Variants in DDX23 observed in about 807,000 individuals in gnomAD.
DDX23 encodes the protein DEAD-box helicase 23.
Under a neutral mutation model 102.7 loss-of-function variants are expected in DDX23, and 33 were observed. The ratio of observed to expected loss-of-function variants is 0.32; its 90% CI spans 0.24 to 0.43. The LOEUF (loss-of-function observed/expected upper bound fraction) is 0.43, where lower values mean the gene tolerates loss of function less well. Among genes scored for constraint, DDX23 ranks in the 20% least tolerant of loss-of-function variants. The pLI, the probability that DDX23 is intolerant of heterozygous loss-of-function variation, is 1.00. For synonymous variants in DDX23, 352 were observed against 376.0 expected (o/e 0.94, Z 0.74); for missense variants, 549 against 1,086.6 (o/e 0.51, Z 6.96).
intron 6 of DDX23, 60 bp from the exon 7 acceptor site, chr12:48,837,717 T>C: frequency 6.2e-7 from 1 of 1,603,178 alleles, no homozygotes; most frequent in Non-Finnish European, 8.5e-7. Context: ...GGAGAGGGAA[T>C]GGAGGGAATC....
intron 2 of DDX23, among the ~76,000 whole-genome samples, chr12:48,844,862 T>C (rs1026965699): frequency 1.3e-5 from 2 of 151,498 alleles, no homozygotes; most frequent in Admixed American, 1.3e-4. Context: ...GTACAAAAAG[T>C]AGATGCCTAG....
intron 1 of DDX23, among the ~76,000 whole-genome samples, chr12:48,851,802 A>G (rs1400332809): frequency 6.6e-6 from 1 of 152,252 alleles, no homozygotes; most frequent in Non-Finnish European, 1.5e-5. Context: ...TACTTTAAGC[A>G]TGAAAGAATA....
At chr12:48,838,820 T>C (rs1330581670) in intron 5 of DDX23, among the ~76,000 whole-genome samples, 1 of 151,810 alleles carries the variant, frequency 6.6e-6, no homozygotes, top group Non-Finnish European at 1.5e-5. Context: ...GCCACTGCAC[T>C]CCAGCCTGGG....
rs1043870300 is a variant in DDX23 at position 48,845,647 on chromosome 12, G to A, written c.136C>T (p.Arg46Trp). The A allele has an allele frequency of 1.4e-5, 23 of 1,614,188 alleles. No individual in the cohort carries two copies. Among genetic ancestry groups the A allele is most frequent in the Non-Finnish European group, 1.8e-5 (21 of 1,180,040 alleles). ...RKSSPSKDRK[R>W]HRSRDRRRGG... ...CGACGTCTATCCCTTGAACGATGCC[G>A]CTTTCTATCTTTAGATGGGGAAGAC... The change falls in exon 2 of 17, where the codon CGG becomes TGG. Residue 46 changes from arginine (R) to tryptophan (W), a missense_variant. Arg to Trp is a moderately radical substitution (Grantham distance 101). Coordinates refer to ENST00000308025, the MANE Select transcript of DDX23 (RefSeq NM_004818.3).
chr12:48,851,188 G>A (rs904970216), intron 1 of DDX23, among the ~76,000 whole-genome samples: 2 of 152,234 alleles, frequency 1.3e-5, no homozygotes, highest in Admixed American at 1.3e-4. Flanking sequence ...ACAGGGTTAT[G>A]AGGTCGGACG....
rs950480170 is a variant in DDX23 at position 48,836,009 on chromosome 12, T to G, written c.1382+112A>C. ...TTATTCCCTAATATCCAACAAAGAATAAAGAAGAAAGCTTCTGATTATAGA... is the reference window on the plus strand; with the variant it reads ...TTATTCCCTAATATCCAACAAAGAAGAAAGAAGAAAGCTTCTGATTATAGA... On this transcript the variant is annotated intron_variant, in intron 11 of 16. Coordinates refer to ENST00000308025, the MANE Select transcript of DDX23 (RefSeq NM_004818.3). The surrounding 1 kb of genome is among the most constrained non-coding windows in gnomAD (Gnocchi z 6.1). The G allele has an allele frequency of 5.7e-6, 7 of 1,234,176 alleles. No homozygotes were observed. The South Asian group carries it at 7.0e-5, about 12-fold the overall frequency. The allele number at this position is 1,234,176 out of a possible 1,614,324, so 76.5% of individuals were successfully genotyped here. A position where few individuals can be genotyped will look rare whatever the true frequency, so the allele number is the denominator to read the frequency against.
chr12:48,835,681 G>C (rs1241874030), intron 11 of DDX23, among the ~76,000 whole-genome samples: 1 of 152,198 alleles, frequency 6.6e-6, no homozygotes, highest in East Asian at 1.9e-4. Context: ...TTGCACTCCA[G>C]CCTGGGCAAC....
intron 1 of DDX23, among the ~76,000 whole-genome samples, chr12:48,847,556 G>A (rs1376122380): frequency 3.3e-5 from 5 of 152,128 alleles, no homozygotes; most frequent in Admixed American, 1.3e-4. Context: ...TTGACTGGGT[G>A]TGGTGGCTCA....
At chr12:48,846,915 G>A (rs191935201) in intron 1 of DDX23, among the ~76,000 whole-genome samples, 2 of 152,266 alleles carry the variant, frequency 1.3e-5, no homozygotes, top group East Asian at 1.9e-4. Flanking sequence ...GTTCAGCCAG[G>A]AGCTAAAACT....
chr12:48,836,410 A>T lies in DDX23; in HGVS notation c.1237-144T>A. 8.0e-7 allele frequency: 1 copy of T among 1,255,250 alleles called. No individual in the cohort carries two copies. The highest frequency in any genetic ancestry group is 1.1e-6 in the Non-Finnish European group (1 of 891,102). 77.8% of individuals were successfully genotyped at this position (1,255,250 alleles called of 1,614,324 possible). ...AAATAGGGACCCCAAGAAGAAACCTAATCACTAAAAGCCAACACTTCTACC... is the reference window on the plus strand; with the variant it reads ...AAATAGGGACCCCAAGAAGAAACCTTATCACTAAAAGCCAACACTTCTACC... On this transcript the variant is annotated intron_variant, in intron 10 of 16. Transcript: ENST00000308025. This position sits in a 1 kb window ranked among gnomAD's most constrained non-coding sequence, Gnocchi z 6.1.
At chr12:48,851,015 C>T (rs967988850) in intron 1 of DDX23, among the ~76,000 whole-genome samples, 2 of 152,228 alleles carry the variant, frequency 1.3e-5, no homozygotes, top group Non-Finnish European at 2.9e-5. Flanking sequence ...GCCTTCCTCT[C>T]AAACCTCCAG....
chr12:48,849,523 G>A (rs1357669370), intron 1 of DDX23, among the ~76,000 whole-genome samples: 2 of 152,090 alleles, frequency 1.3e-5, no homozygotes, highest in African/African-American at 2.4e-5. Flanking sequence ...TTAGCCAGGC[G>A]TGATGTCAGG....
intron 3 of DDX23, among the ~76,000 whole-genome samples, chr12:48,843,710 G>A (rs1412037615): frequency 1.3e-5 from 2 of 151,766 alleles, no homozygotes; most frequent in African/African-American, 4.8e-5. Flanking sequence ...CACCACGCCC[G>A]GCTAATTTTT....
At chr12:48,840,989 A>C (rs920836617) in intron 3 of DDX23, among the ~76,000 whole-genome samples, 4 of 152,128 alleles carry the variant, frequency 2.6e-5, no homozygotes, top group Admixed American at 2.6e-4. Context: ...ACCTGCTCTA[A>C]GCTTAATCTA....
intron 5 of DDX23, 30 bp from the exon 6 acceptor site, chr12:48,838,110 G>A: frequency 6.2e-7 from 1 of 1,613,386 alleles, no homozygotes; most frequent in Non-Finnish European, 8.5e-7. Flanking sequence ...TGTCAACAAA[G>A]GATCTGGGAG....
At chr12:48,842,387 C>T (rs1332393490) in intron 3 of DDX23, among the ~76,000 whole-genome samples, 13 of 143,556 alleles carry the variant, frequency 9.1e-5, no homozygotes, top group Non-Finnish European at 1.5e-4. Context: ...CCGCCCCGTC[C>T]GGGAAGGAGG....
At position 48,832,248 on chromosome 12, in the gene DDX23, C is replaced by T; in HGVS notation, c.1956-62G>A. On this transcript the variant is annotated intron_variant, in intron 14 of 16. Transcript: ENST00000308025. The surrounding 1 kb of genome is among the most constrained non-coding windows in gnomAD (Gnocchi z 4.4). Reference sequence around the variant, plus strand: ...CTCCCACTCCAAGTGAAATGCCCAACCCTCATCTATGAACACTACTTTCAG... The same window carrying T: ...CTCCCACTCCAAGTGAAATGCCCAATCCTCATCTATGAACACTACTTTCAG... 1 of 1,587,830 alleles carries T rather than the reference C, an allele frequency of 6.3e-7. No individual in the cohort carries two copies. The highest frequency in any genetic ancestry group is 1.3e-5 in the African/African-American group (1 of 74,442).
intron 1 of DDX23, 46 bp downstream of exon 1, chr12:48,852,038 C>T (rs1212364903): frequency 6.6e-6 from 1 of 152,438 alleles, no homozygotes; most frequent in African/African-American, 2.4e-5. Context: ...TGACTCTAGC[C>T]CTTTCTGTAA....
rs1219917044 is a variant in DDX23, at chr12:48,842,252, C to T, written c.320+1688G>A. Among the ~76,000 whole-genome samples, 57 of 149,550 alleles carry T rather than the reference C, an allele frequency of 3.8e-4. 1 individual carries two copies. The highest frequency in any genetic ancestry group is 1.2e-3 in the African/African-American group (47 of 40,606). On this transcript the variant is annotated intron_variant, in intron 3 of 16. Transcript: ENST00000308025. ...GGGGTCATCCCCCCACCCGGCCAGCCGCCCATCCGGGAGGGAGGTGGGGGG... is the reference window on the plus strand; with the variant it reads ...GGGGTCATCCCCCCACCCGGCCAGCTGCCCATCCGGGAGGGAGGTGGGGGG...
Sources: allele counts gnomAD v4.1 joint callset (sites outside exome capture counted in the v4.1 genomes callset), GRCh38; gene constraint gnomAD v4.1.1; non-coding constraint Gnocchi (gnomAD v3.1); transcripts MANE v1.5; gene names NCBI Gene and HGNC (gene_info 2026-07-23, HGNC 2026-07-21).